GRIA1: variants seen among roughly 807,000 people sequenced by gnomAD.
The protein encoded by GRIA1 is glutamate receptor 1.
GRIA1 carries 31 observed loss-of-function variants against 99.2 expected under a neutral mutation model. The observed-to-expected ratio is 0.31, with a 90% CI of 0.23 to 0.42. The LOEUF is 0.42. GRIA1 is among the 10% of genes least tolerant of loss of function. GRIA1 has a pLI of 1.00. For synonymous variants in GRIA1, 438 were observed against 432.4 expected (o/e 1.01, Z -0.16); for missense variants, 782 against 1,157.5 (o/e 0.68, Z 4.71).
chr5:153,533,394 G>C (rs1758261354), intron 2 of GRIA1, among the ~76,000 whole-genome samples: 1 of 152,022 alleles, frequency 6.6e-6, no homozygotes, highest in South Asian at 2.1e-4. Context: ...CTGAGGGACT[G>C]AGGGAGGACA....
chr5:153,500,158 T>C (rs963132226), intron 2 of GRIA1, among the ~76,000 whole-genome samples: 1 of 152,218 alleles, frequency 6.6e-6, no homozygotes, highest in Non-Finnish European at 1.5e-5. Flanking sequence ...AACATTTCTT[T>C]CCCTGACTAG....
intron 2 of GRIA1, among the ~76,000 whole-genome samples, chr5:153,562,332 G>A (rs1389691846): frequency 2.0e-5 from 3 of 152,088 alleles, no homozygotes; most frequent in Non-Finnish European, 4.4e-5. Flanking sequence ...TGGGGGTGGA[G>A]GGAGGGCAGT....
intron 2 of GRIA1, among the ~76,000 whole-genome samples, chr5:153,496,581 C>G (rs1754450610): frequency 6.6e-6 from 1 of 152,114 alleles, no homozygotes; most frequent in Non-Finnish European, 1.5e-5. Flanking sequence ...GAAATGGTGG[C>G]CTGGCTGGAG....
In GRIA1 at chr5:153,811,248, G is replaced by C; in HGVS notation, c.*23G>C. On this transcript the variant is annotated 3_prime_UTR_variant, in exon 16 of 16. Transcript: ENST00000285900. ...TAACTGGAGCAGATGGAGACCCCTT[G>C]GGGAGCAGGCTCGGGCTCCCCAGCC... The C allele has an allele frequency of 6.3e-7, 1 of 1,594,862 alleles. No individual in the cohort carries two copies. Among genetic ancestry groups the C allele is most frequent in the Non-Finnish European group, 8.6e-7 (1 of 1,162,864 alleles).
intron 11 of GRIA1, among the ~76,000 whole-genome samples, chr5:153,756,323 A>G (rs540071244): frequency 1.1e-3 from 166 of 152,212 alleles, no homozygotes; most frequent in African/African-American, 3.7e-3. Context: ...GTTGGGAAGT[A>G]CACACATCTG....
chr5:153,543,850 C>T (rs1759359334), intron 2 of GRIA1, among the ~76,000 whole-genome samples: 1 of 152,110 alleles, frequency 6.6e-6, no homozygotes, highest in African/African-American at 2.4e-5. Flanking sequence ...GCAAAACAAA[C>T]TAAAGTGCCT....
intron 11 of GRIA1, among the ~76,000 whole-genome samples, chr5:153,742,695 C>G (rs1403950785): frequency 1.8e-4 from 27 of 152,166 alleles, no homozygotes; most frequent in Non-Finnish European, 2.9e-5. Context: ...CTTGTGGCCC[C>G]CTTTTGCTCT....
intron 15 of GRIA1, among the ~76,000 whole-genome samples, chr5:153,805,270 C>T (rs980468163): frequency 2.0e-5 from 3 of 152,136 alleles, no homozygotes; most frequent in Admixed American, 1.3e-4. Context: ...CTTTTATTAT[C>T]CCTATTTACA....
chr5:153,621,279 A>G (rs1417825408), intron 2 of GRIA1, among the ~76,000 whole-genome samples: 1 of 152,064 alleles, frequency 6.6e-6, no homozygotes, highest in African/African-American at 2.4e-5. Context: ...ATGTGTTATA[A>G]CTCAAAACAT....
intron 11 of GRIA1, among the ~76,000 whole-genome samples, chr5:153,749,060 AAGC>A (rs1157164673): frequency 1.3e-5 from 2 of 152,152 alleles, no homozygotes; most frequent in African/African-American, 4.8e-5. Context: ...GCTCAAGATT[AAGC>A]AGAAAGAAGA....
At chr5:153,670,923 A>T (rs906362707) in intron 5 of GRIA1, among the ~76,000 whole-genome samples, 4 of 152,190 alleles carry the variant, frequency 2.6e-5, no homozygotes, top group Non-Finnish European at 2.9e-5. Flanking sequence ...CATTGTAGAG[A>T]TGCAAGATTA....
intron 11 of GRIA1, among the ~76,000 whole-genome samples, chr5:153,736,391 A>C (rs1049791895): frequency 6.6e-6 from 1 of 152,350 alleles, no homozygotes; most frequent in East Asian, 1.9e-4. Context: ...AAGAAGCATT[A>C]ACCAACTGAA....
chr5:153,769,598 T>A (rs995759015), intron 12 of GRIA1, among the ~76,000 whole-genome samples: 1 of 151,878 alleles, frequency 6.6e-6, no homozygotes, highest in African/African-American at 2.4e-5. Context: ...CAATATTTGG[T>A]CCCAAGTTAT....
chr5:153,813,356 A>T lies in GRIA1; in HGVS notation c.*2131A>T, dbSNP rs912305413. The T allele has an allele frequency of 6.6e-6, 1 of 152,232 alleles. No homozygotes were observed. The highest frequency in any genetic ancestry group is 1.5e-5 in the Non-Finnish European group (1 of 68,046). 9.4% of individuals were successfully genotyped at this position (152,232 alleles called of 1,614,324 possible). ...AACCCTTTAACATCAACATGCTTCA[A>T]AGACTTTTTGCCTTTGGCCTAGTAA... On this transcript the variant is annotated 3_prime_UTR_variant, in exon 16 of 16. Transcript: ENST00000285900.
intron 2 of GRIA1, among the ~76,000 whole-genome samples, chr5:153,603,294 T>C (rs1240605307): frequency 2.6e-5 from 4 of 152,234 alleles, no homozygotes; most frequent in Non-Finnish European, 4.4e-5. Flanking sequence ...GGTGTATATG[T>C]GCCACATTTT....
At chr5:153,763,223 A>G (rs1763297092) in intron 11 of GRIA1, among the ~76,000 whole-genome samples, 1 of 152,218 alleles carries the variant, frequency 6.6e-6, no homozygotes. Flanking sequence ...TGTAGGAATA[A>G]CACATATAAG....
At position 153,647,184 on chromosome 5, in the gene GRIA1, G is replaced by C; in HGVS notation, c.460+17G>C. 1 of 1,610,570 alleles carries C rather than the reference G, an allele frequency of 6.2e-7. No individual in the cohort carries two copies. Among genetic ancestry groups the C allele is most frequent in the Non-Finnish European group, 8.5e-7 (1 of 1,177,316 alleles). On this transcript the variant is annotated intron_variant, in intron 3 of 15. Transcript: ENST00000285900. ...CCGACCGGGGTAAGCCAAGGGTTAG[G>C]GGAGGGAGACTTTTGAGGGATGGAG...
intron 13 of GRIA1, among the ~76,000 whole-genome samples, chr5:153,786,123 T>C: frequency 6.6e-6 from 1 of 152,210 alleles, no homozygotes; most frequent in East Asian, 1.9e-4. Context: ...ACTGACTGTA[T>C]CATTCACTCT....
intron 11 of GRIA1, among the ~76,000 whole-genome samples, chr5:153,744,526 G>A: frequency 1.3e-5 from 2 of 152,318 alleles, no homozygotes; most frequent in South Asian, 4.1e-4. Context: ...AGCTTAAGAA[G>A]TATTTTCCCT....
Sources: allele counts gnomAD v4.1 joint callset (sites outside exome capture counted in the v4.1 genomes callset), GRCh38; gene constraint gnomAD v4.1.1; transcripts MANE v1.5; gene names NCBI Gene and HGNC (gene_info 2026-07-23, HGNC 2026-07-21).